ARHGEF10L: variants seen among roughly 807,000 people sequenced by gnomAD.
The protein encoded by ARHGEF10L is rho guanine nucleotide exchange factor 10-like protein.
Under a neutral mutation model 141.2 loss-of-function variants are expected in ARHGEF10L, and 69 were observed. The ratio of observed to expected loss-of-function variants is 0.49; its 90% CI spans 0.40 to 0.60. The LOEUF (loss-of-function observed/expected upper bound fraction) is 0.60. Ranked by LOEUF, ARHGEF10L falls within the 20% of genes least tolerant of loss-of-function variation. The pLI is 0.00. For missense variants in ARHGEF10L, 1,482 were observed against 1,734.3 expected, an observed-to-expected ratio of 0.85 and a Z score of 2.58; for synonymous variants, 711 against 718.5, an observed-to-expected ratio of 0.99 and a Z score of 0.17.
the ARHGEF10L span, among the ~76,000 whole-genome samples, chr1:17,518,211 A>G: frequency 6.6e-6 from 1 of 152,068 alleles, no homozygotes; most frequent in Non-Finnish European, 1.5e-5. Context: ...AGTTTGCTGG[A>G]CCCCAGTCTG....
intron 4 of ARHGEF10L, among the ~76,000 whole-genome samples, chr1:17,594,523 G>A (rs1049041118): frequency 6.6e-6 from 1 of 152,116 alleles, no homozygotes; most frequent in South Asian, 2.1e-4. Flanking sequence ...TGTCGCCCAG[G>A]CTGGAGTGCA....
In ARHGEF10L at chr1:17,616,188, G is replaced by T. The variant is rs754412812; in HGVS notation, c.821G>T (p.Arg274Met). ...AVMRKVSFLH[R>M]KDVLGDSEEE... Reference sequence around the variant, plus strand: ...ATGCGCAAAGTCTCCTTCCTGCACAGGAAGGACGTCCTCGGTGAGGCGCTG... The same window carrying T: ...ATGCGCAAAGTCTCCTTCCTGCACATGAAGGACGTCCTCGGTGAGGCGCTG... The change falls in exon 9 of 29, where the codon AGG (arginine) becomes ATG (methionine). Residue 274 changes from arginine (R) to methionine (M), a missense_variant. Arg to Met is a moderately conservative substitution (Grantham distance 91, BLOSUM62 -1). Coordinates refer to ENST00000361221, the MANE Select transcript of ARHGEF10L (RefSeq NM_018125.4). 3 of 1,613,390 alleles carry T rather than the reference G, an allele frequency of 1.9e-6. No individual in the cohort carries two copies. The Admixed American group carries it at 5.0e-5, about 27-fold the overall frequency.
intron 1 of ARHGEF10L, among the ~76,000 whole-genome samples, chr1:17,571,739 G>A (rs2078010694): frequency 6.6e-6 from 1 of 152,148 alleles, no homozygotes. Flanking sequence ...TCACCACCTT[G>A]ACCAGGCTGG....
Position 17,638,961 on chromosome 1 carries a change from A to G in ARHGEF10L, c.2171+272A>G, listed in dbSNP as rs77228972. 2.2e-3 allele frequency among the ~76,000 whole-genome samples: 330 copies of G among 152,316 alleles called. 12 individuals carry two copies. The East Asian group carries it at 0.057, about 26-fold the overall frequency. On this transcript the variant is annotated intron_variant, in intron 20 of 28. Transcript: ENST00000361221. ...TGTTAGGATACTCAGACACTCTGCC[A>G]TTGGTCAGTTCCATTTGCGCTGTGT... is the stretch of plus-strand genomic sequence containing the variant.
In ARHGEF10L at chr1:17,558,584, A is replaced by G. The variant is rs2077430914; in HGVS notation, c.-44+18634A>G. On this transcript the variant is annotated intron_variant, in intron 1 of 28. Transcript: ENST00000361221. This position sits in a 1 kb window ranked among gnomAD's most constrained non-coding sequence, Gnocchi z 4.2. ...AGTGGCCCAGGCAGATGAGGTGGGG[A>G]ATGGCTTTCAGGCCCTGGAAGGGTC... Among the ~76,000 whole-genome samples, 8 of 152,160 alleles carry G rather than the reference A, an allele frequency of 5.3e-5. No homozygotes were observed.
At chr1:17,554,886 C>T (rs1033311774) in intron 1 of ARHGEF10L, among the ~76,000 whole-genome samples, 8 of 152,078 alleles carry the variant, frequency 5.3e-5, no homozygotes, top group African/African-American at 1.2e-4. Context: ...CCACTGTGCC[C>T]GACCCTGGCC....
rs545694353 is a variant in ARHGEF10L, at chr1:17,592,372, A to C, written c.257+3893A>C. On this transcript the variant is annotated intron_variant, in intron 4 of 28. Transcript: ENST00000361221. ...GGATTCTCATGGGCTCCCTGAAGGT[A>C]CCTGGCCTACCCCTTCCTGGGCTTT... Among the ~76,000 whole-genome samples the C allele has an allele frequency of 3.0e-4, 45 of 152,162 alleles. 1 individual carries two copies. The highest frequency in any genetic ancestry group is 1.0e-3 in the African/African-American group (43 of 41,510).
intron 1 of ARHGEF10L, among the ~76,000 whole-genome samples, chr1:17,574,339 A>G (rs1330915232): frequency 6.6e-6 from 1 of 152,078 alleles, no homozygotes; most frequent in Non-Finnish European, 1.5e-5. Context: ...GGTGTCAGCT[A>G]TTGTCATTTC....
At chr1:17,577,004 T>G (rs2078250029) in intron 1 of ARHGEF10L, among the ~76,000 whole-genome samples, 1 of 152,222 alleles carries the variant, frequency 6.6e-6, no homozygotes, top group African/African-American at 2.4e-5. Context: ...TGCCATGCTT[T>G]TGTATTAGTT....
intron 9 of ARHGEF10L, among the ~76,000 whole-genome samples, chr1:17,617,676 T>C (rs973186656): frequency 2.6e-5 from 4 of 152,216 alleles, no homozygotes; most frequent in African/African-American, 9.6e-5. Context: ...CAGGCAGGAC[T>C]TTGAGAGCCT....
Position 17,654,733 on chromosome 1 carries a change from C to G in ARHGEF10L, c.2481+11C>G. 6.2e-7 allele frequency: 1 copy of G among 1,612,712 alleles called. No individual in the cohort carries two copies. The highest frequency in any genetic ancestry group is 8.5e-7 in the Non-Finnish European group (1 of 1,179,094). Reference sequence around the variant, plus strand: ...CAGGGCTACCTCTGGGTGAGTCACCCCCCTGCCCAGCTGGGCATTCTGGCC... The same window carrying G: ...CAGGGCTACCTCTGGGTGAGTCACCGCCCTGCCCAGCTGGGCATTCTGGCC... On this transcript the variant is annotated intron_variant, in intron 23 of 28. Transcript: ENST00000361221. The surrounding 1 kb of genome is among the most constrained non-coding windows in gnomAD (Gnocchi z 4.3).
chr1:17,559,530 T>C (rs1467369021), intron 1 of ARHGEF10L, among the ~76,000 whole-genome samples: 1 of 152,114 alleles, frequency 6.6e-6, no homozygotes, highest in East Asian at 1.9e-4. Flanking sequence ...AGTCACTGGG[T>C]CTGATGGCTC....
intron 10 of ARHGEF10L, among the ~76,000 whole-genome samples, chr1:17,620,804 C>T (rs2060067262): frequency 1.3e-5 from 2 of 152,200 alleles, no homozygotes; most frequent in Admixed American, 6.5e-5. Flanking sequence ...TCACATGTGA[C>T]ACCTCCTGTG....
chr1:17,647,484 C>CCT (rs772159407), intron 21 of ARHGEF10L, among the ~76,000 whole-genome samples: 21 of 152,134 alleles, frequency 1.4e-4, no homozygotes, highest in Non-Finnish European at 2.8e-4. Context: ...AGGAAGGGAT[C>CCT]CTCCGCAGGG....
Position 17,602,148 on chromosome 1 carries a change from T to C in ARHGEF10L, c.279T>C (p.Asn93=). The C allele has an allele frequency of 1.3e-6, 2 of 1,578,614 alleles. No homozygotes were observed. The highest frequency in any genetic ancestry group is 1.7e-6 in the Non-Finnish European group (2 of 1,162,040). Residue 93 remains asparagine (N), a synonymous_variant, in exon 5 of 29, where the codon AAT becomes AAC. Coordinates refer to ENST00000361221, the MANE Select transcript of ARHGEF10L (RefSeq NM_018125.4). ...GCAGGGTGCCAGCCTGGGTGAGCAA[T>C]GGGGATGCAGCGGACGCAGCCTTCT... ...PGTGVPAWVS[N]GDAADAAFSG...
chr1:17,615,989 G>A lies in ARHGEF10L; in HGVS notation c.727-105G>A, dbSNP rs528859164. 7 of 896,272 alleles carry A rather than the reference G, an allele frequency of 7.8e-6. No individual in the cohort carries two copies. In the East Asian group the frequency reaches 1.5e-4, roughly 19 times the overall value. The allele number at this position is 896,272 out of a possible 1,614,324, so 55.5% of individuals were successfully genotyped here. A position where few individuals can be genotyped will look rare whatever the true frequency, so the allele number is the denominator to read the frequency against. On this transcript the variant is annotated intron_variant, in intron 8 of 28. Coordinates refer to ENST00000361221, the MANE Select transcript of ARHGEF10L (RefSeq NM_018125.4). This position sits in a 1 kb window ranked among gnomAD's most constrained non-coding sequence, Gnocchi z 4.7. ...CACGGACCTGGGAGGGAAGGGTCTG[G>A]GTGGTTCTGATCTCTGCAGGCCGAG... is the stretch of plus-strand genomic sequence containing the variant.
At chr1:17,567,089 C>A (rs1366174752) in intron 1 of ARHGEF10L, among the ~76,000 whole-genome samples, 1 of 152,228 alleles carries the variant, frequency 6.6e-6, no homozygotes, top group Non-Finnish European at 1.5e-5. Flanking sequence ...TGACAAAGAA[C>A]TGGGCCACAG....
chr1:17,670,919 C>T (rs565268506), intron 26 of ARHGEF10L, among the ~76,000 whole-genome samples: 2 of 152,364 alleles, frequency 1.3e-5, no homozygotes, highest in East Asian at 1.9e-4. Flanking sequence ...GCTTGGGTCT[C>T]GGCTTAACTG....
At chr1:17,557,278 G>A (rs1208833160) in intron 1 of ARHGEF10L, among the ~76,000 whole-genome samples, 1 of 151,722 alleles carries the variant, frequency 6.6e-6, no homozygotes, top group Non-Finnish European at 1.5e-5. Flanking sequence ...AGGAGGGGGA[G>A]GTTGCAGTGA....
Sources: gnomAD v4.1 joint callset for allele counts (sites outside exome capture counted in the v4.1 genomes callset) on GRCh38, gnomAD v4.1.1 for gene constraint, Gnocchi (gnomAD v3.1) non-coding constraint, MANE v1.5 for transcripts, NCBI Gene and HGNC (gene_info 2026-07-23, HGNC 2026-07-21) for gene names.